The following PDLIM1 variants were observed in gnomAD, a reference collection of about 807,000 sequenced individuals.
PDLIM1 encodes the protein PDZ and LIM domain 1.
PDLIM1 carries 25 observed loss-of-function variants against 35.2 expected under a neutral mutation model. The ratio of observed to expected loss-of-function variants is 0.71; its 90% CI spans 0.52 to 0.99. PDLIM1 has a LOEUF of 0.99. Among genes scored for constraint, PDLIM1 ranks in the 50% least tolerant of loss-of-function variants. The probability of loss-of-function intolerance (pLI) is 0.00; values close to 1 mark genes in which losing one functional copy is unlikely to be tolerated. For missense variants in PDLIM1, 363 were observed against 415.3 expected (o/e 0.87, Z 1.09); for synonymous variants, 152 against 154.0 (o/e 0.99, Z 0.10).
At chr10:95,285,415 C>T (rs2035594499) in intron 1 of PDLIM1, among the ~76,000 whole-genome samples, 1 of 152,156 alleles carries the variant, frequency 6.6e-6, no homozygotes, top group Non-Finnish European at 1.5e-5. Context: ...GCTGGGTTAA[C>T]ACTGTTAGCA....
chr10:95,290,293 A>G lies in PDLIM1; in HGVS notation c.96+527T>C, dbSNP rs1293055311. The stretch of plus-strand genomic sequence containing the variant: ...GAATCCAGCACATTCTCCAAAAGCC[A>G]TTCGAGGGGCGAGCCTCGGCCGTGG... On this transcript the variant is annotated intron_variant, in intron 1 of 6. Transcript: ENST00000329399. This position sits in a 1 kb window ranked among gnomAD's most constrained non-coding sequence, Gnocchi z 4.7. Among the ~76,000 whole-genome samples the G allele has an allele frequency of 6.6e-6, 1 of 152,196 alleles. No individual in the cohort carries two copies. The highest frequency in any genetic ancestry group is 2.4e-5 in the African/African-American group (1 of 41,446).
chr10:95,280,389 A>G (rs1481211433), intron 1 of PDLIM1, among the ~76,000 whole-genome samples: 2 of 152,212 alleles, frequency 1.3e-5, no homozygotes, highest in Admixed American at 6.5e-5. Context: ...AAATTAAAAA[A>G]AAATTTAAAA....
intron 3 of PDLIM1, among the ~76,000 whole-genome samples, chr10:95,264,695 G>A (rs1473850152): frequency 6.6e-6 from 1 of 152,122 alleles, no homozygotes; most frequent in Non-Finnish European, 1.5e-5. Context: ...CCTGTTACAG[G>A]GGCGGTACCC....
At chr10:95,275,211 A>C (rs377394003) in intron 1 of PDLIM1, among the ~76,000 whole-genome samples, 8 of 152,318 alleles carry the variant, frequency 5.3e-5, no homozygotes, top group African/African-American at 1.9e-4. Context: ...TGGCATGCCC[A>C]ACCAATCAGC....
intron 4 of PDLIM1, among the ~76,000 whole-genome samples, chr10:95,263,420 G>T (rs1219145355): frequency 6.6e-6 from 1 of 152,140 alleles, no homozygotes; most frequent in African/African-American, 2.4e-5. Flanking sequence ...TATGCAGCAT[G>T]AAGTATTTCT....
intron 4 of PDLIM1, among the ~76,000 whole-genome samples, chr10:95,249,237 C>T (rs1231252900): frequency 1.3e-5 from 2 of 152,238 alleles, no homozygotes; most frequent in Non-Finnish European, 2.9e-5. Flanking sequence ...CTCACGAGGT[C>T]CTCCAGGGCA....
rs963759656 is a variant in PDLIM1 at position 95,271,883 on chromosome 10, A to C, written c.97-99T>G. ...CACTGATATGGAGCAAAGCCCTGAA[A>C]AAGAAAAGAGGGCTGAAATCATAGC... On this transcript the variant is annotated intron_variant, in intron 1 of 6. Coordinates refer to ENST00000329399, the MANE Select transcript of PDLIM1 (RefSeq NM_020992.4). 4 of 1,094,318 alleles carry C rather than the reference A, an allele frequency of 3.7e-6. No individual in the cohort carries two copies. The Admixed American group carries it at 1.1e-4, about 29-fold the overall frequency. The allele number at this position is 1,094,318 out of a possible 1,614,324, so 67.8% of individuals were successfully genotyped here.
intron 5 of PDLIM1, among the ~76,000 whole-genome samples, chr10:95,242,036 G>A (rs2035182736): frequency 6.6e-6 from 1 of 152,202 alleles, no homozygotes; most frequent in Non-Finnish European, 1.5e-5. Flanking sequence ...CCCCCTCAGA[G>A]CTGGGACTAT....
At chr10:95,247,140 C>T in intron 5 of PDLIM1, 75 bp downstream of exon 5, 2 of 1,362,946 alleles carry the variant, frequency 1.5e-6, no homozygotes, top group Non-Finnish European at 2.0e-6. Flanking sequence ...AGTGTGTTCA[C>T]CTGTGCTTCC....
At chr10:95,266,457 A>G (rs1439103667) in intron 3 of PDLIM1, among the ~76,000 whole-genome samples, 1 of 152,136 alleles carries the variant, frequency 6.6e-6, no homozygotes, top group Non-Finnish European at 1.5e-5. Context: ...GAGGATGCAG[A>G]GCCCCAAGGA....
intron 1 of PDLIM1, among the ~76,000 whole-genome samples, chr10:95,272,731 A>G (rs1289443710): frequency 6.6e-6 from 1 of 152,156 alleles, no homozygotes; most frequent in Admixed American, 6.5e-5. Flanking sequence ...AGGATATCCT[A>G]AAGTATGGTA....
At chr10:95,268,728 G>A (rs772420368) in intron 3 of PDLIM1, 50 bp downstream of exon 3, 46 of 1,201,892 alleles carry the variant, frequency 3.8e-5, no homozygotes, top group East Asian at 7.0e-5. Context: ...TGTCAGAAAC[G>A]GCAAAGTGCT....
At chr10:95,273,916 G>T (rs2035488826) in intron 1 of PDLIM1, among the ~76,000 whole-genome samples, 1 of 152,174 alleles carries the variant, frequency 6.6e-6, no homozygotes, top group African/African-American at 2.4e-5. Flanking sequence ...TTTTTAAACG[G>T]CTCTAAGCAT....
intron 4 of PDLIM1, among the ~76,000 whole-genome samples, chr10:95,260,543 C>T (rs925049430): frequency 2.0e-5 from 3 of 152,198 alleles, no homozygotes; most frequent in African/African-American, 7.2e-5. Context: ...TCCCCCTCCA[C>T]TGTGTGCACT....
intron 4 of PDLIM1, among the ~76,000 whole-genome samples, chr10:95,263,655 G>A (rs1433290825): frequency 6.6e-6 from 1 of 152,210 alleles, no homozygotes; most frequent in African/African-American, 2.4e-5. Flanking sequence ...GGCATTTTAC[G>A]TATTAATTCT....
intron 5 of PDLIM1, among the ~76,000 whole-genome samples, chr10:95,241,937 G>A (rs1442978649): frequency 1.3e-5 from 2 of 152,198 alleles, no homozygotes; most frequent in African/African-American, 4.8e-5. Flanking sequence ...TACTTGGCTG[G>A]CTTATGGGGA....
At chr10:95,266,624 C>G (rs2035419039) in intron 3 of PDLIM1, among the ~76,000 whole-genome samples, 1 of 152,124 alleles carries the variant, frequency 6.6e-6, no homozygotes, top group Non-Finnish European at 1.5e-5. Context: ...AGTACAGTGC[C>G]TGGCTCGTGG....
intron 3 of PDLIM1, among the ~76,000 whole-genome samples, chr10:95,264,958 C>CT (rs34580100): frequency 0.61 from 92,181 of 151,932 alleles, 29,452 homozygotes; most frequent in Non-Finnish European, 0.7. Flanking sequence ...TTCTGATAGC[C>CT]CAATCAGCAA....
At chr10:95,289,048 T>G (rs2035627714) in intron 1 of PDLIM1, among the ~76,000 whole-genome samples, 1 of 152,260 alleles carries the variant, frequency 6.6e-6, no homozygotes, top group Admixed American at 6.5e-5. Flanking sequence ...CATTCACTCA[T>G]GCATTAAGAC....
Sources: gnomAD v4.1 joint callset for allele counts (sites outside exome capture counted in the v4.1 genomes callset) on GRCh38, gnomAD v4.1.1 for gene constraint, Gnocchi (gnomAD v3.1) non-coding constraint, MANE v1.5 for transcripts, NCBI Gene and HGNC (gene_info 2026-07-23, HGNC 2026-07-21) for gene names.